The following TMC2 variants were observed in gnomAD, a reference collection of about 807,000 sequenced individuals.
TMC2 encodes transmembrane channel-like protein 2.
Under a neutral mutation model 105.9 loss-of-function variants are expected in TMC2, and 102 were observed. The ratio of observed to expected loss-of-function variants is 0.96; its 90% CI spans 0.82 to 1.14. TMC2 has a LOEUF of 1.14. Ranked by LOEUF, TMC2 falls within the 50% of genes most tolerant of loss-of-function variation. The probability of loss-of-function intolerance (pLI) is 0.00; values close to 1 mark genes in which losing one functional copy is unlikely to be tolerated. For synonymous variants in TMC2, 402 were observed against 422.8 expected (o/e 0.95, Z 0.60); for missense variants, 1,093 against 1,134.3 (o/e 0.96, Z 0.52).
chr20:2,556,158 G>C (rs1008910274), intron 2 of TMC2, among the ~76,000 whole-genome samples: 1 of 151,980 alleles, frequency 6.6e-6, no homozygotes, highest in Non-Finnish European at 1.5e-5. Context: ...GTGCGATCTC[G>C]TCTCACTGCA....
chr20:2,641,156 C>G lies in TMC2; in HGVS notation c.2526C>G (p.Ser842Arg), dbSNP rs575450403. ...TKEETTPPSA[S>R]QSQAMDKKAQ... ...CAGAGACCACTCCTCCCTCTGCCAG[C>G]CAAAGCCAGGCCATGGACAAGAAGG... Residue 842 changes from serine to arginine, a missense_variant, in exon 20 of 20, where the codon AGC becomes AGG. Transcript: ENST00000358864. 38 of 1,614,130 alleles carry G rather than the reference C, an allele frequency of 2.4e-5. No homozygotes were observed. The South Asian group carries it at 4.1e-4, about 17-fold the overall frequency.
In TMC2 at chr20:2,551,960, A is replaced by G. The variant is rs74864167; in HGVS notation, c.83-6496A>G. The stretch of plus-strand genomic sequence containing the variant: ...TATTCTGGGTCTTTTGCCTTTCCAT[A>G]TAAACTTTAGAATCAGGGCTGGGTG... On this transcript the variant is annotated intron_variant, in intron 2 of 19. Coordinates refer to ENST00000358864, the MANE Select transcript of TMC2 (RefSeq NM_080751.3). Among the ~76,000 whole-genome samples the G allele has an allele frequency of 6.6e-3, 1,002 of 152,230 alleles. 11 individuals carry two copies. The highest frequency in any genetic ancestry group is 0.047 in the East Asian group (244 of 5,188).
chr20:2,617,301 G>A lies in TMC2; in HGVS notation c.2170G>A (p.Gly724Arg), dbSNP rs374596739. Residue 724 changes from glycine to arginine, a missense_variant, in exon 16 of 20, where the codon GGG becomes AGG. Gly to Arg is a moderately radical substitution (Grantham distance 125). Coordinates refer to ENST00000358864, the MANE Select transcript of TMC2 (RefSeq NM_080751.3). ...GTCCCTCCCACCCTCCTTTGACTGC[G>A]GGCCGTTCAGGTGCAGAGTCTCAGT... ...IMSLPPSFDC[G>R]PFSGKNRMYD... 4.2e-5 allele frequency: 67 copies of A among 1,614,040 alleles called. No homozygotes were observed. The highest frequency in any genetic ancestry group is 5.5e-5 in the Non-Finnish European group (65 of 1,180,028).
intron 17 of TMC2, among the ~76,000 whole-genome samples, chr20:2,633,736 G>C (rs1402317743): frequency 7.0e-6 from 1 of 142,634 alleles, no homozygotes; most frequent in African/African-American, 2.6e-5. Flanking sequence ...TGGTGCTGTT[G>C]GTTTCCAAAC....
At chr20:2,622,810 T>C (rs1259524086) in intron 16 of TMC2, among the ~76,000 whole-genome samples, 1 of 152,186 alleles carries the variant, frequency 6.6e-6, no homozygotes, top group Non-Finnish European at 1.5e-5. Flanking sequence ...CTGCAAAATT[T>C]TGAAGGGCGC....
At chr20:2,576,924 T>C (rs1196702529) in intron 5 of TMC2, among the ~76,000 whole-genome samples, 2 of 146,522 alleles carry the variant, frequency 1.4e-5, no homozygotes, top group African/African-American at 5.2e-5. Context: ...TTTTTTTTTT[T>C]TTGAGATGGA....
At chr20:2,581,432 C>T (rs1264753515) in intron 7 of TMC2, among the ~76,000 whole-genome samples, 1 of 152,204 alleles carries the variant, frequency 6.6e-6, no homozygotes, top group Non-Finnish European at 1.5e-5. Context: ...GCCAATATCA[C>T]TCTCTGACCC....
intron 2 of TMC2, among the ~76,000 whole-genome samples, chr20:2,538,429 G>A (rs1229715116): frequency 6.6e-6 from 1 of 152,118 alleles, no homozygotes; most frequent in African/African-American, 2.4e-5. Context: ...TATGCCCCAG[G>A]GTGGCCAGAC....
At chr20:2,570,891 G>A (rs2086098308) in intron 4 of TMC2, among the ~76,000 whole-genome samples, 1 of 152,034 alleles carries the variant, frequency 6.6e-6, no homozygotes, top group Non-Finnish European at 1.5e-5. Flanking sequence ...CAAAAAACAA[G>A]CAATGGGGAA....
At chr20:2,597,566 C>T (rs906144061) in intron 10 of TMC2, among the ~76,000 whole-genome samples, 7 of 152,270 alleles carry the variant, frequency 4.6e-5, no homozygotes, top group Middle Eastern at 3.4e-3. Flanking sequence ...CAGCACACTA[C>T]AACCTCTGCC....
intron 4 of TMC2, among the ~76,000 whole-genome samples, chr20:2,564,481 T>C (rs1600103054): frequency 6.6e-6 from 1 of 152,200 alleles, no homozygotes; most frequent in East Asian, 1.9e-4. Flanking sequence ...CCTTTCTCCC[T>C]GCTCCCTCCA....
In TMC2 at chr20:2,537,007, C is replaced by T. The variant is rs550490849; in HGVS notation, c.35-262C>T. On this transcript the variant is annotated intron_variant, in intron 1 of 19. Coordinates refer to ENST00000358864, the MANE Select transcript of TMC2 (RefSeq NM_080751.3). ...TTGTCTCGGTTAGGGTTGCCTGTTC[C>T]GAGCAAGCCCCTCAGCAGATTTCTA... Among the ~76,000 whole-genome samples, 17 of 152,232 alleles carry T rather than the reference C, an allele frequency of 1.1e-4. No individual in the cohort carries two copies. In the East Asian group the frequency reaches 2.1e-3, roughly 19 times the overall value.
chr20:2,584,076 G>A (rs903131950), intron 7 of TMC2, among the ~76,000 whole-genome samples: 5 of 152,138 alleles, frequency 3.3e-5, no homozygotes, highest in African/African-American at 1.2e-4. Flanking sequence ...GGTTTACATA[G>A]CAAGCATTCA....
chr20:2,613,499 A>T, intron 14 of TMC2, 177 bp downstream of exon 14: 1 of 879,320 alleles, frequency 1.1e-6, no homozygotes, highest in Non-Finnish European at 1.8e-6. Flanking sequence ...ATTTGCCTTC[A>T]TAAGGGAAAC....
chr20:2,617,457 G>T, intron 16 of TMC2, 146 bp downstream of exon 16: 4 of 1,077,472 alleles, frequency 3.7e-6, no homozygotes, highest in Admixed American at 2.6e-5. Context: ...ATTTAAGAGG[G>T]TTTTCTGCCA....
chr20:2,602,177 G>C lies in TMC2; in HGVS notation c.1289G>C (p.Arg430Pro), dbSNP rs751351988. The change falls in exon 11 of 20, where the codon CGT (arginine) becomes CCT (proline). Residue 430 changes from arginine (R) to proline (P), a missense_variant. Coordinates refer to ENST00000358864, the MANE Select transcript of TMC2 (RefSeq NM_080751.3). ...AATATCCATCTGACAAGATTTCTTC[G>C]TGTCCTGGCCAACTTTCTCATCATC... Reference protein sequence around the residue: ...EENIHLTRFLRVLANFLIICC... With the variant: ...EENIHLTRFLPVLANFLIICC... 2 of 1,613,306 alleles carry C rather than the reference G, an allele frequency of 1.2e-6. No individual in the cohort carries two copies. The highest frequency in any genetic ancestry group is 2.2e-5 in the East Asian group (1 of 44,794).
rs1006622187 is a variant in TMC2 at position 2,579,802 on chromosome 20, A to C, written c.728-148A>C. ...AAGTTAGTTAACCCCAAAGAGCCTC[A>C]GGTTATTTATCCAGGAAAAGAAAGG... On this transcript the variant is annotated intron_variant, in intron 6 of 19. Coordinates refer to ENST00000358864, the MANE Select transcript of TMC2 (RefSeq NM_080751.3). 29 of 564,074 alleles carry C rather than the reference A, an allele frequency of 5.1e-5. No homozygotes were observed. In the African/African-American group the frequency reaches 5.4e-4, roughly 10 times the overall value. 34.9% of individuals were successfully genotyped at this position (564,074 alleles called of 1,614,324 possible). A position where few individuals can be genotyped will look rare whatever the true frequency, so the allele number is the denominator to read the frequency against.
In TMC2 at chr20:2,558,233, A is replaced by G. The variant is rs2085996429; in HGVS notation, c.83-223A>G. The G allele has an allele frequency of 2.7e-6, 3 of 1,101,272 alleles. No individual in the cohort carries two copies. In the South Asian group the frequency reaches 5.1e-5, roughly 19 times the overall value. The allele number at this position is 1,101,272 out of a possible 1,614,324, so 68.2% of individuals were successfully genotyped here. On this transcript the variant is annotated intron_variant, in intron 2 of 19. Transcript: ENST00000358864. The surrounding 1 kb of genome is among the most constrained non-coding windows in gnomAD (Gnocchi z 4.6). ...GGTCTTCAAGGGAGACGGGAGGGAG[A>G]AGGCCAGAGAGTGACCTTCCTGCTT... is the stretch of plus-strand genomic sequence containing the variant.
intron 14 of TMC2, among the ~76,000 whole-genome samples, chr20:2,615,299 C>T (rs1450449373): frequency 1.3e-5 from 2 of 152,204 alleles, no homozygotes; most frequent in Non-Finnish European, 2.9e-5. Context: ...CCAGCCTGGG[C>T]AACAGAGCGA....
Sources: allele counts gnomAD v4.1 joint callset (sites outside exome capture counted in the v4.1 genomes callset), GRCh38; gene constraint gnomAD v4.1.1; non-coding constraint Gnocchi (gnomAD v3.1); transcripts MANE v1.5; gene names NCBI Gene and HGNC (gene_info 2026-07-23, HGNC 2026-07-21).